LAMA2: variants seen among roughly 807,000 people sequenced by gnomAD.
LAMA2 encodes the protein laminin subunit alpha-2.
LAMA2 carries 269 observed loss-of-function variants against 364.8 expected under a neutral mutation model. The observed-to-expected ratio is 0.74, with a 90% CI of 0.67 to 0.82. The LOEUF (loss-of-function observed/expected upper bound fraction) is 0.82. LAMA2 is among the 40% of genes least tolerant of loss of function. LAMA2 has a pLI of 0.00. For missense variants in LAMA2, 3,807 were observed against 3,873.2 expected (o/e 0.98, Z 0.45); for synonymous variants, 1,379 against 1,370.6 (o/e 1.01, Z -0.14).
At chr6:129,439,763 G>A (rs1319108600) in intron 42 of LAMA2, among the ~76,000 whole-genome samples, 1 of 149,978 alleles carries the variant, frequency 6.7e-6, no homozygotes, top group African/African-American at 2.5e-5. Flanking sequence ...TATGTTAAGT[G>A]TATGTAATCC....
At chr6:129,106,678 G>A (rs1240569929) in intron 4 of LAMA2, among the ~76,000 whole-genome samples, 1 of 151,812 alleles carries the variant, frequency 6.6e-6, no homozygotes, top group African/African-American at 2.4e-5. Context: ...TTCAACTCTG[G>A]TTGGAATACA....
At chr6:128,973,576 A>G (rs1263797866) in intron 1 of LAMA2, among the ~76,000 whole-genome samples, 1 of 152,178 alleles carries the variant, frequency 6.6e-6, no homozygotes, top group Non-Finnish European at 1.5e-5. Context: ...TCTTTCAGCT[A>G]TATACTTCTC....
chr6:129,455,517 C>T (rs1782915119), intron 47 of LAMA2, among the ~76,000 whole-genome samples: 1 of 152,096 alleles, frequency 6.6e-6, no homozygotes, highest in Non-Finnish European at 1.5e-5. Flanking sequence ...CTTAACATTG[C>T]ATCCTCAAAG....
rs141110324 is a variant in LAMA2 at position 129,241,331 on chromosome 6, G to A, written c.1783-8781G>A. Among the ~76,000 whole-genome samples the A allele has an allele frequency of 3.7e-3, 564 of 152,276 alleles. 2 individuals carry two copies. The highest frequency in any genetic ancestry group is 0.013 in the African/African-American group (531 of 41,572). On this transcript the variant is annotated intron_variant, in intron 12 of 64. Coordinates refer to ENST00000421865, the MANE Select transcript of LAMA2 (RefSeq NM_000426.4). ...CATCACTATGATCTCTCCCCAAAAC[G>A]TGGGATTTTCAAGTGCATTTAGAAT... is the stretch of plus-strand genomic sequence containing the variant.
At chr6:129,153,875 A>G (rs530670335) in intron 7 of LAMA2, among the ~76,000 whole-genome samples, 1 of 152,332 alleles carries the variant, frequency 6.6e-6, no homozygotes, top group South Asian at 2.1e-4. Context: ...CTAGCTGTTA[A>G]TCATTCAGTG....
At position 129,340,771 on chromosome 6, in the gene LAMA2, G is replaced by A. The variant is rs553673615; in HGVS notation, c.4312-1572G>A. 5.4e-5 allele frequency among the ~76,000 whole-genome samples: 8 copies of A among 147,530 alleles called. No individual in the cohort carries two copies. In the East Asian group the frequency reaches 1.6e-3, roughly 29 times the overall value. On this transcript the variant is annotated intron_variant, in intron 29 of 64. Transcript: ENST00000421865. ...AGAATCCCTTTATTCAGGAGGCAGA[G>A]GTTGCAGTGAGCCAAGATGGTGCCA...
intron 34 of LAMA2, among the ~76,000 whole-genome samples, chr6:129,380,959 T>C (rs1778650364): frequency 1.3e-5 from 2 of 152,330 alleles, no homozygotes; most frequent in South Asian, 2.1e-4. Flanking sequence ...ATGAATATGA[T>C]CTTGATCATC....
chr6:129,124,035 G>A (rs968876205), intron 4 of LAMA2, among the ~76,000 whole-genome samples: 1 of 152,114 alleles, frequency 6.6e-6, no homozygotes, highest in Non-Finnish European at 1.5e-5. Flanking sequence ...AATACGTAAG[G>A]CTTTTTGTAT....
chr6:128,929,657 G>A (rs1020366353), intron 1 of LAMA2: 2 of 1,429,892 alleles, frequency 1.4e-6, no homozygotes, highest in East Asian at 4.6e-5. Context: ...TGCGGTCTCG[G>A]TTTGTCACTG....
At chr6:129,206,912 C>T (rs137871661) in intron 12 of LAMA2, among the ~76,000 whole-genome samples, 4 of 152,308 alleles carry the variant, frequency 2.6e-5, no homozygotes, top group South Asian at 2.1e-4. Flanking sequence ...CGAAAGCTGA[C>T]GGAATTGAGC....
chr6:128,976,756 A>G (rs4323331), intron 1 of LAMA2, among the ~76,000 whole-genome samples: 6,727 of 152,206 alleles, frequency 0.044, 487 homozygotes, highest in African/African-American at 0.15. Flanking sequence ...ATCCTAAGAA[A>G]TTCTGGGATT....
chr6:129,146,451 C>CT (rs1778456237), intron 5 of LAMA2, among the ~76,000 whole-genome samples: 1 of 151,842 alleles, frequency 6.6e-6, no homozygotes, highest in Admixed American at 6.6e-5. Context: ...CAGTTAATGA[C>CT]TTTTTAATTT....
intron 49 of LAMA2, among the ~76,000 whole-genome samples, chr6:129,461,858 T>G (rs543920050): frequency 9.9e-5 from 15 of 151,994 alleles, no homozygotes; most frequent in African/African-American, 3.4e-4. Context: ...GTCCTAGCCA[T>G]GAAAAGACAT....
chr6:128,997,346 G>GA (rs1438881367), intron 1 of LAMA2, among the ~76,000 whole-genome samples: 1 of 86,392 alleles, frequency 1.2e-5, no homozygotes, highest in African/African-American at 4.4e-5. Flanking sequence ...GAGAAAGAAA[G>GA]AAAGAAAGAA....
intron 12 of LAMA2, among the ~76,000 whole-genome samples, chr6:129,195,234 C>T (rs887394061): frequency 4.6e-5 from 7 of 152,130 alleles, no homozygotes; most frequent in Non-Finnish European, 7.4e-5. Flanking sequence ...ATATGCTGTG[C>T]ATGTTCTCTT....
At chr6:129,315,182 G>A (rs909160969) in intron 24 of LAMA2, among the ~76,000 whole-genome samples, 8 of 152,188 alleles carry the variant, frequency 5.3e-5, no homozygotes, top group Admixed American at 6.5e-5. Context: ...CATGATTTTT[G>A]GAGTGAAAAC....
intron 22 of LAMA2, among the ~76,000 whole-genome samples, chr6:129,312,030 A>T (rs997094068): frequency 1.2e-4 from 18 of 152,212 alleles, no homozygotes; most frequent in Admixed American, 9.8e-4. Flanking sequence ...TGATCCTGAA[A>T]AAGAAAATTG....
chr6:128,980,115 T>G (rs76702447), intron 1 of LAMA2, among the ~76,000 whole-genome samples: 3,427 of 152,298 alleles, frequency 0.023, 52 homozygotes, highest in Non-Finnish European at 0.03. Context: ...TATAGCCACC[T>G]GACAGATCAG....
At chr6:129,414,968 A>T (rs1198230037) in intron 40 of LAMA2, among the ~76,000 whole-genome samples, 1 of 152,224 alleles carries the variant, frequency 6.6e-6, no homozygotes, top group African/African-American at 2.4e-5. Flanking sequence ...TAGTTCACTT[A>T]CAGAATATCA....
Sources: allele counts gnomAD v4.1 joint callset (sites outside exome capture counted in the v4.1 genomes callset), GRCh38; gene constraint gnomAD v4.1.1; transcripts MANE v1.5; gene names NCBI Gene and HGNC (gene_info 2026-07-23, HGNC 2026-07-21).